GATAD2B: variants seen among roughly 807,000 people sequenced by gnomAD.
GATAD2B encodes transcriptional repressor p66-beta.
Under a neutral mutation model 64.3 loss-of-function variants are expected in GATAD2B, and 8 were observed. The observed-to-expected ratio is 0.12, with a 90% CI of 0.07 to 0.22. The LOEUF (loss-of-function observed/expected upper bound fraction) is 0.22, where lower values mean the gene tolerates loss of function less well. Among genes scored for constraint, GATAD2B ranks in the 10% least tolerant of loss-of-function variants. GATAD2B has a pLI of 1.00. For missense variants in GATAD2B, 453 were observed against 752.0 expected (o/e 0.60, Z 4.65); for synonymous variants, 281 against 271.3 (o/e 1.04, Z -0.35).
chr1:153,904,063 G>A (rs891990105), intron 1 of GATAD2B, among the ~76,000 whole-genome samples: 2 of 152,062 alleles, frequency 1.3e-5, no homozygotes, highest in East Asian at 1.9e-4. Context: ...GGTGGATCAC[G>A]AGGTCAGGAG....
chr1:153,918,503 G>A (rs1407138041), intron 1 of GATAD2B, among the ~76,000 whole-genome samples: 2 of 152,154 alleles, frequency 1.3e-5, no homozygotes, highest in African/African-American at 4.8e-5. Flanking sequence ...TAATCCTGGT[G>A]TCTAATCTAA....
At position 153,816,117 on chromosome 1, in the gene GATAD2B, T is replaced by G. The variant is rs1674474049; in HGVS notation, c.1216+156A>C. Among the ~76,000 whole-genome samples the G allele has an allele frequency of 6.8e-6, 1 of 147,666 alleles. No homozygotes were observed. Among genetic ancestry groups the G allele is most frequent in the Non-Finnish European group, 1.5e-5 (1 of 66,706 alleles). ...ACACACACACTCCGCTTCTAACATGTTGCTCCCAAACAGCTGTAAAGAAGG... is the reference window on the plus strand; with the variant it reads ...ACACACACACTCCGCTTCTAACATGGTGCTCCCAAACAGCTGTAAAGAAGG... On this transcript the variant is annotated intron_variant, in intron 7 of 10. Coordinates refer to ENST00000368655, the MANE Select transcript of GATAD2B (RefSeq NM_020699.4). This position sits in a 1 kb window ranked among gnomAD's most constrained non-coding sequence, Gnocchi z 4.9.
intron 1 of GATAD2B, among the ~76,000 whole-genome samples, chr1:153,878,097 G>A (rs1278523485): frequency 6.6e-6 from 1 of 151,758 alleles, no homozygotes; most frequent in Non-Finnish European, 1.5e-5. Context: ...TTGGGGTGGG[G>A]AAATAATTGC....
chr1:153,826,627 TCA>T (rs374450799), intron 2 of GATAD2B, among the ~76,000 whole-genome samples: 2 of 148,780 alleles, frequency 1.3e-5, no homozygotes, highest in Non-Finnish European at 1.5e-5. Flanking sequence ...TGAAACTCCA[TCA>T]CACACACACA....
At chr1:153,896,779 C>T (rs1677608862) in intron 1 of GATAD2B, among the ~76,000 whole-genome samples, 1 of 152,048 alleles carries the variant, frequency 6.6e-6, no homozygotes, top group Non-Finnish European at 1.5e-5. Context: ...ACTCCTAATA[C>T]TGACTGAAAT....
intron 1 of GATAD2B, among the ~76,000 whole-genome samples, chr1:153,859,682 T>A (rs4367808): frequency 0.84 from 123,900 of 147,712 alleles, 52,050 homozygotes; most frequent in Admixed American, 0.89. Context: ...AAAAAAATAA[T>A]AAAAAAAAAA....
intron 8 of GATAD2B, 49 bp from the exon 9 acceptor site, chr1:153,812,181 C>A: frequency 3.3e-6 from 3 of 922,348 alleles, no homozygotes; most frequent in South Asian, 1.4e-5. Flanking sequence ...GCACCCAATA[C>A]CCAATTTCCT....
intron 1 of GATAD2B, chr1:153,852,884 T>C: frequency 1.3e-6 from 1 of 773,750 alleles, no homozygotes; most frequent in South Asian, 1.5e-5. Flanking sequence ...TCTGATTTGG[T>C]GAGCGCATGT....
intron 1 of GATAD2B, among the ~76,000 whole-genome samples, chr1:153,854,933 A>T (rs777339570): frequency 1.3e-5 from 2 of 152,196 alleles, no homozygotes; most frequent in African/African-American, 2.4e-5. Flanking sequence ...ATCAATGAGC[A>T]CGGTCTCTTC....
intron 1 of GATAD2B, among the ~76,000 whole-genome samples, chr1:153,870,527 C>T (rs1487354508): frequency 1.3e-5 from 2 of 151,980 alleles, no homozygotes; most frequent in Non-Finnish European, 2.9e-5. Flanking sequence ...GAGCAGAGAT[C>T]GCGTCACTGC....
chr1:153,815,637 AGCTGACCT>A (rs1674451986), intron 7 of GATAD2B, among the ~76,000 whole-genome samples: 1 of 152,198 alleles, frequency 6.6e-6, no homozygotes, highest in South Asian at 2.1e-4. Context: ...CCTCAATGAT[AGCTGACCT>A]GCTGAAGGGA....
chr1:153,850,869 C>T (rs1015962010), intron 1 of GATAD2B, among the ~76,000 whole-genome samples: 4 of 151,316 alleles, frequency 2.6e-5, no homozygotes, highest in East Asian at 3.9e-4. Flanking sequence ...TGCAGTGAGC[C>T]GGGAACGCGC....
chr1:153,880,247 A>G (rs1038933431), intron 1 of GATAD2B, among the ~76,000 whole-genome samples: 2 of 151,880 alleles, frequency 1.3e-5, no homozygotes, highest in Non-Finnish European at 2.9e-5. Flanking sequence ...GGATGACTTG[A>G]GGTCAGGAGA....
At chr1:153,850,300 TAA>T (rs1475231297) in intron 1 of GATAD2B, among the ~76,000 whole-genome samples, 3 of 152,018 alleles carry the variant, frequency 2.0e-5, no homozygotes, top group Non-Finnish European at 2.9e-5. Context: ...AGCCCATACT[TAA>T]TTATTTTTCC....
At chr1:153,864,425 T>C (rs374272226) in intron 1 of GATAD2B, among the ~76,000 whole-genome samples, 7 of 152,304 alleles carry the variant, frequency 4.6e-5, no homozygotes, top group African/African-American at 1.7e-4. Flanking sequence ...TAGACCAACC[T>C]GGGCAATATA....
intron 1 of GATAD2B, among the ~76,000 whole-genome samples, chr1:153,906,533 C>T (rs915773295): frequency 6.6e-6 from 1 of 151,550 alleles, no homozygotes; most frequent in Non-Finnish European, 1.5e-5. Context: ...AGAAAAAACA[C>T]AAAATAAATG....
intron 1 of GATAD2B, among the ~76,000 whole-genome samples, chr1:153,902,461 T>C (rs941298510): frequency 6.6e-6 from 1 of 152,216 alleles, no homozygotes; most frequent in Non-Finnish European, 1.5e-5. Flanking sequence ...AATTATTGTA[T>C]TCCTTTTTTT....
intron 1 of GATAD2B, among the ~76,000 whole-genome samples, chr1:153,879,462 G>A (rs1296455046): frequency 6.6e-6 from 1 of 151,878 alleles, no homozygotes; most frequent in South Asian, 2.1e-4. Flanking sequence ...CACATAAAGA[G>A]AATTTAAGAA....
chr1:153,859,292 G>A (rs1218230126), intron 1 of GATAD2B, among the ~76,000 whole-genome samples: 1 of 151,672 alleles, frequency 6.6e-6, no homozygotes, highest in African/African-American at 2.4e-5. Context: ...GCTTGAGCCT[G>A]GGGGATCTAG....
Sources: allele counts gnomAD v4.1 joint callset (sites outside exome capture counted in the v4.1 genomes callset), GRCh38; gene constraint gnomAD v4.1.1; non-coding constraint Gnocchi (gnomAD v3.1); transcripts MANE v1.5; gene names NCBI Gene and HGNC (gene_info 2026-07-23, HGNC 2026-07-21).